The following EXOC6B variants were observed in gnomAD, a reference collection of about 807,000 sequenced individuals.
EXOC6B encodes exocyst complex component 6B, also known as SEC15 homolog B.
In EXOC6B, 54 loss-of-function variants were observed where a neutral mutation model predicts 113.5. The ratio of observed to expected loss-of-function variants is 0.48; its 90% CI spans 0.38 to 0.60. The LOEUF is 0.60. Ranked by LOEUF, EXOC6B falls within the 20% of genes least tolerant of loss-of-function variation. The pLI is 0.00. For synonymous variants in EXOC6B, 357 were observed against 339.0 expected, an observed-to-expected ratio of 1.05 and a Z score of -0.58; for missense variants, 797 against 977.5, an observed-to-expected ratio of 0.82 and a Z score of 2.46.
rs543353044 is a variant in EXOC6B, at chr2:72,384,623, C to G, written c.1981-4753G>C. On this transcript the variant is annotated intron_variant, in intron 18 of 21. Coordinates refer to ENST00000272427, the MANE Select transcript of EXOC6B (RefSeq NM_015189.3). ...TATATGATCTTATATAGACAGAACT[C>G]TAAAAATTCCACCAAAAACTGTTAG... Among the ~76,000 whole-genome samples the G allele has an allele frequency of 1.6e-4, 24 of 152,018 alleles. No homozygotes were observed. In the East Asian group the frequency reaches 1.7e-3, roughly 11 times the overall value.
chr2:72,412,611 C>G (rs550790934), intron 18 of EXOC6B, among the ~76,000 whole-genome samples: 238 of 152,312 alleles, frequency 1.6e-3, no homozygotes, highest in Non-Finnish European at 2.9e-3. Flanking sequence ...AGTTATTTTG[C>G]TTAGTCCTAC....
intron 2 of EXOC6B, among the ~76,000 whole-genome samples, chr2:72,733,539 G>C (rs754674932): frequency 2.0e-5 from 3 of 152,076 alleles, no homozygotes; most frequent in Non-Finnish European, 4.4e-5. Context: ...AAGTTTCCCT[G>C]TTTGCTTATT....
At chr2:72,607,171 A>G (rs1417631202) in intron 6 of EXOC6B, among the ~76,000 whole-genome samples, 2 of 152,216 alleles carry the variant, frequency 1.3e-5, no homozygotes, top group East Asian at 1.9e-4. Context: ...AAATAAGGTT[A>G]GATTTGAACT....
intron 20 of EXOC6B, among the ~76,000 whole-genome samples, chr2:72,237,639 C>A (rs990073994): frequency 6.6e-6 from 1 of 152,178 alleles, no homozygotes; most frequent in East Asian, 1.9e-4. Flanking sequence ...ACCCTCACCC[C>A]CTGCCTGACC....
chr2:72,258,783 T>C (rs1439789622), intron 20 of EXOC6B, among the ~76,000 whole-genome samples: 2 of 152,190 alleles, frequency 1.3e-5, no homozygotes, highest in African/African-American at 2.4e-5. Context: ...AATTTTAAAC[T>C]TGGCTTTTCT....
intron 10 of EXOC6B, 66 bp downstream of exon 10, chr2:72,514,568 A>C (rs1701109481): frequency 7.3e-6 from 2 of 273,994 alleles, no homozygotes; most frequent in Non-Finnish European, 1.3e-5. Flanking sequence ...TGGAAAGAGT[A>C]TAAATTTCAA....
intron 20 of EXOC6B, among the ~76,000 whole-genome samples, chr2:72,196,079 G>C (rs930161295): frequency 1.3e-5 from 2 of 151,946 alleles, no homozygotes; most frequent in Non-Finnish European, 2.9e-5. Context: ...CTATATTAGG[G>C]GTCAGCCCTT....
intron 6 of EXOC6B, among the ~76,000 whole-genome samples, chr2:72,686,233 A>G (rs948064442): frequency 1.3e-5 from 2 of 152,214 alleles, no homozygotes; most frequent in South Asian, 4.1e-4. Flanking sequence ...AAGTTTGGTA[A>G]AGTGGATTTC....
chr2:72,525,933 A>G (rs1252105648), intron 8 of EXOC6B, among the ~76,000 whole-genome samples: 1 of 152,130 alleles, frequency 6.6e-6, no homozygotes, highest in Non-Finnish European at 1.5e-5. Flanking sequence ...TTTTATTACC[A>G]TGAACAAAAT....
intron 17 of EXOC6B, among the ~76,000 whole-genome samples, chr2:72,475,035 T>C (rs990052951): frequency 3.3e-5 from 5 of 152,188 alleles, no homozygotes; most frequent in Non-Finnish European, 5.9e-5. Context: ...GTGGTATCTA[T>C]AATTTCTTCA....
At chr2:72,182,786 G>T in intron 21 of EXOC6B, 1 of 772,224 alleles carries the variant, frequency 1.3e-6, no homozygotes, top group Non-Finnish European at 1.8e-6. Flanking sequence ...GTCAGGGCGG[G>T]GACAACTCAG....
chr2:72,541,144 A>G (rs1308766791), intron 8 of EXOC6B, among the ~76,000 whole-genome samples: 1 of 152,188 alleles, frequency 6.6e-6, no homozygotes, highest in East Asian at 1.9e-4. Flanking sequence ...TAAGTCTCAC[A>G]AAATCTGATG....
rs758697899 is a variant in EXOC6B at position 72,496,575 on chromosome 2, T to A, written c.1338-16A>T. ...AAGTATGTTTCTATAAATGGAAGGATAGACAAAGGGAAGGGAAGGATAGAC... is the reference window on the plus strand; with the variant it reads ...AAGTATGTTTCTATAAATGGAAGGAAAGACAAAGGGAAGGGAAGGATAGAC... On this transcript the variant is annotated splice_polypyrimidine_tract_variant and intron_variant, in intron 13 of 21. Coordinates refer to ENST00000272427, the MANE Select transcript of EXOC6B (RefSeq NM_015189.3). The A allele has an allele frequency of 2.1e-5, 31 of 1,507,570 alleles. No homozygotes were observed. Among genetic ancestry groups the A allele is most frequent in the African/African-American group, 2.7e-5 (2 of 72,800 alleles). 93.4% of individuals were successfully genotyped at this position (1,507,570 alleles called of 1,614,324 possible). A position where few individuals can be genotyped will look rare whatever the true frequency, so the allele number is the denominator to read the frequency against.
intron 6 of EXOC6B, among the ~76,000 whole-genome samples, chr2:72,697,116 A>ATAGATG: frequency 6.7e-6 from 1 of 149,246 alleles, no homozygotes; most frequent in East Asian, 1.9e-4. Flanking sequence ...AGATATAGAT[A>ATAGATG]TAGATATAGA....
At chr2:72,771,958 C>T (rs1434694738) in intron 1 of EXOC6B, among the ~76,000 whole-genome samples, 1 of 152,132 alleles carries the variant, frequency 6.6e-6, no homozygotes, top group Non-Finnish European at 1.5e-5. Context: ...GAGTTTCCAA[C>T]ACACATCCCT....
At chr2:72,235,376 A>C (rs1196972930) in intron 20 of EXOC6B, among the ~76,000 whole-genome samples, 1 of 152,150 alleles carries the variant, frequency 6.6e-6, no homozygotes, top group Non-Finnish European at 1.5e-5. Flanking sequence ...GACACAAAGA[A>C]GGGCAGAACA....
chr2:72,782,885 C>G (rs994092717), intron 1 of EXOC6B, among the ~76,000 whole-genome samples: 1 of 152,190 alleles, frequency 6.6e-6, no homozygotes, highest in African/African-American at 2.4e-5. Context: ...GAACAGTATT[C>G]CATTGTGTAT....
chr2:72,492,039 A>T (rs926669157), intron 16 of EXOC6B, among the ~76,000 whole-genome samples: 2 of 152,212 alleles, frequency 1.3e-5, no homozygotes, highest in African/African-American at 4.8e-5. Context: ...TTTGTGTATA[A>T]TCAATGCCAG....
Position 72,513,197 on chromosome 2 carries a change from C to T in EXOC6B, c.1102G>A (p.Ala368Thr). 6.2e-7 allele frequency: 1 copy of T among 1,613,370 alleles called. No homozygotes were observed. The highest frequency in any genetic ancestry group is 8.5e-7 in the Non-Finnish European group (1 of 1,179,430). The change falls in exon 11 of 22, where the codon GCC becomes ACC. Residue 368 changes from alanine (A) to threonine (T), a missense_variant. Coordinates refer to ENST00000272427, the MANE Select transcript of EXOC6B (RefSeq NM_015189.3). ...LHTTQGLVNR[A>T]YIDELWEMAL... ...ATTTCCCACAGTTCATCAATGTAGG[C>T]TCTATTTACTAAGCCCTGGGTTGTA...
Sources: gnomAD v4.1 joint callset for allele counts (sites outside exome capture counted in the v4.1 genomes callset) on GRCh38, gnomAD v4.1.1 for gene constraint, MANE v1.5 for transcripts, NCBI Gene and HGNC (gene_info 2026-07-23, HGNC 2026-07-21) for gene names.